Variants in CIMAP1D observed in about 807,000 individuals in gnomAD.
CIMAP1D encodes the protein protein CIMAP1D.
chr19:483,753 C>T, the CIMAP1D span, among the ~76,000 whole-genome samples: 1 of 152,198 alleles, frequency 6.6e-6, no homozygotes, highest in Non-Finnish European at 1.5e-5. Flanking sequence ...TCCCCGGAAG[C>T]TCTGGGATCA....
the CIMAP1D span, chr19:472,584 C>CT: frequency 1.0e-6 from 1 of 969,562 alleles, no homozygotes; most frequent in African/African-American, 1.7e-5. Context: ...GAGCCTTAGC[C>CT]TGGGTTCCCC....
At chr19:463,984 A>C in the CIMAP1D span, 10 of 1,610,002 alleles carry the variant, frequency 6.2e-6, no homozygotes, top group African/African-American at 1.3e-4. Context: ...TGCTCTGGGC[A>C]GTGGGCGCCA....
chr19:471,255 T>C, the CIMAP1D span, among the ~76,000 whole-genome samples: 1 of 149,076 alleles, frequency 6.7e-6, no homozygotes, highest in South Asian at 2.1e-4. Context: ...TTCACGCCAT[T>C]CTCCTGCCTC....
At chr19:467,785 C>T in the CIMAP1D span, 1 of 1,467,622 alleles carries the variant, frequency 6.8e-7, no homozygotes, top group Non-Finnish European at 9.4e-7. Flanking sequence ...GCCCAGAGTG[C>T]TGAGAGTGAT....
chr19:485,754 T>G, the CIMAP1D span, among the ~76,000 whole-genome samples: 1 of 152,148 alleles, frequency 6.6e-6, no homozygotes, highest in African/African-American at 2.4e-5. Flanking sequence ...GAGGCCGGGT[T>G]CCTCCGATGA....
chr19:474,765 C>G, the CIMAP1D span: 10 of 1,478,966 alleles, frequency 6.8e-6, no homozygotes, highest in Non-Finnish European at 9.0e-6. Flanking sequence ...AGGCGATGGC[C>G]CCCACAGCAC....
the CIMAP1D span, among the ~76,000 whole-genome samples, chr19:466,103 G>A: frequency 6.8e-6 from 1 of 147,340 alleles, no homozygotes; most frequent in Non-Finnish European, 1.5e-5. Flanking sequence ...CAGGGTGGAT[G>A]TATGGGTGAA....
At chr19:474,616 C>T in the CIMAP1D span, 93 of 1,544,092 alleles carry the variant, frequency 6.0e-5, no homozygotes, top group East Asian at 7.5e-5. Flanking sequence ...ACGGCTGGCA[C>T]GCACCGTTCT....
chr19:469,112 C>T, the CIMAP1D span, among the ~76,000 whole-genome samples: 1 of 152,184 alleles, frequency 6.6e-6, no homozygotes, highest in Admixed American at 6.5e-5. Context: ...GACCCTTAGC[C>T]ACAGCCTCAT....
chr19:465,991 ATGGT>A, the CIMAP1D span, among the ~76,000 whole-genome samples: 6 of 113,030 alleles, frequency 5.3e-5, no homozygotes, highest in South Asian at 1.0e-3. Context: ...GGATGGATAG[ATGGT>A]TGGGTGGATG....
chr19:477,644 T>C, the CIMAP1D span, among the ~76,000 whole-genome samples: 1 of 152,066 alleles, frequency 6.6e-6, no homozygotes, highest in African/African-American at 2.4e-5. Context: ...AAAGCTGGTC[T>C]TTATTTTTAT....
chr19:488,484 T>C, the CIMAP1D span, among the ~76,000 whole-genome samples: 1 of 152,252 alleles, frequency 6.6e-6, no homozygotes, highest in Non-Finnish European at 1.5e-5. Context: ...ATGGCGCCAC[T>C]GCACTCCAGC....
chr19:483,737 C>A, the CIMAP1D span, among the ~76,000 whole-genome samples: 1 of 152,354 alleles, frequency 6.6e-6, no homozygotes, highest in East Asian at 1.9e-4. Flanking sequence ...CTCTTCCTCT[C>A]ATGGGTCCCC....
chr19:483,656 C>A, the CIMAP1D span, among the ~76,000 whole-genome samples: 16,796 of 152,170 alleles, frequency 0.11, 2,292 homozygotes, highest in African/African-American at 0.31. Flanking sequence ...AGGCACCCTG[C>A]AGTGGCCGGG....
At chr19:465,298 G>T in the CIMAP1D span, among the ~76,000 whole-genome samples, 1 of 149,032 alleles carries the variant, frequency 6.7e-6, no homozygotes, top group African/African-American at 2.5e-5. Context: ...GTGGGTGGAT[G>T]GGGGATGGAT....
chr19:464,039 C>A, the CIMAP1D span: 1 of 1,598,510 alleles, frequency 6.3e-7, no homozygotes, highest in Non-Finnish European at 8.5e-7. Flanking sequence ...GGGGCCGCCC[C>A]AGCATGGTGA....
the CIMAP1D span, among the ~76,000 whole-genome samples, chr19:490,916 T>G: frequency 6.6e-6 from 1 of 152,326 alleles, no homozygotes; most frequent in Non-Finnish European, 1.5e-5. Context: ...CTGACCAATA[T>G]GGTGAAACCC....
At chr19:474,164 G>A in the CIMAP1D span, among the ~76,000 whole-genome samples, 31 of 152,186 alleles carry the variant, frequency 2.0e-4, no homozygotes, top group African/African-American at 6.8e-4. Context: ...GACTCCAGCC[G>A]CTAATTGTGG....
the CIMAP1D span, chr19:474,677 C>A: frequency 1.3e-6 from 2 of 1,579,078 alleles, no homozygotes; most frequent in Admixed American, 3.5e-5. Context: ...CGGAATCTGG[C>A]CCTCCGTCAC....
Sources: allele counts gnomAD v4.1 joint callset (sites outside exome capture counted in the v4.1 genomes callset), GRCh38; gene constraint gnomAD v4.1.1; transcripts MANE v1.5; gene names NCBI Gene and HGNC (gene_info 2026-07-23, HGNC 2026-07-21).